Variants in FGF14 observed in about 807,000 individuals in gnomAD.
FGF14 encodes fibroblast growth factor 14.
Under a neutral mutation model 25.5 loss-of-function variants are expected in FGF14, and 5 were observed. The observed-to-expected ratio is 0.20, with a 90% CI of 0.10 to 0.41. The LOEUF is 0.41. FGF14 is among the 10% of genes least tolerant of loss of function. The pLI is 1.00. For synonymous variants in FGF14, 138 were observed against 118.3 expected (o/e 1.17, Z -1.08); for missense variants, 222 against 320.1 (o/e 0.69, Z 2.34).
intron 1 of FGF14, among the ~76,000 whole-genome samples, chr13:102,176,462 T>C (rs188047744): frequency 1.6e-3 from 239 of 152,234 alleles, no homozygotes; most frequent in Admixed American, 3.0e-3. Context: ...AATTGCCTAT[T>C]GGTTACAATG....
intron 1 of FGF14, among the ~76,000 whole-genome samples, chr13:102,317,902 G>A (rs2056095491): frequency 6.6e-6 from 1 of 152,150 alleles, no homozygotes; most frequent in African/African-American, 2.4e-5. Context: ...TCAGTAAGCT[G>A]CCCTATTTAG....
At chr13:102,068,978 G>A (rs552493749) in intron 1 of FGF14, among the ~76,000 whole-genome samples, 1 of 152,218 alleles carries the variant, frequency 6.6e-6, no homozygotes, top group Non-Finnish European at 1.5e-5. Flanking sequence ...TCTAGCTCGG[G>A]ATTGTAAACA....
At chr13:101,836,580 T>A (rs991538477) in intron 3 of FGF14, among the ~76,000 whole-genome samples, 6 of 152,072 alleles carry the variant, frequency 3.9e-5, no homozygotes, top group African/African-American at 1.4e-4. Context: ...TCCTCGTATA[T>A]CTAACTTGTT....
At chr13:102,347,490 G>C (rs2057144796) in intron 1 of FGF14, among the ~76,000 whole-genome samples, 1 of 152,188 alleles carries the variant, frequency 6.6e-6, no homozygotes, top group Admixed American at 6.5e-5. Flanking sequence ...GACATGGCCA[G>C]GAGGGGGCTG....
intron 3 of FGF14, among the ~76,000 whole-genome samples, chr13:101,835,657 G>T (rs920167237): frequency 9.2e-5 from 14 of 152,078 alleles, no homozygotes; most frequent in African/African-American, 3.4e-4. Flanking sequence ...TGAGAAACCA[G>T]CTCTGCTCAA....
chr13:102,393,844 C>T (rs1395354130), intron 1 of FGF14: 1 of 152,182 alleles, frequency 6.6e-6, no homozygotes, highest in Non-Finnish European at 1.5e-5. Flanking sequence ...GTAAAAGGAA[C>T]AGGTTGTTTG....
chr13:102,138,191 C>T (rs961155395), intron 1 of FGF14, among the ~76,000 whole-genome samples: 72 of 121,746 alleles, frequency 5.9e-4, no homozygotes, highest in African/African-American at 2.1e-3. Flanking sequence ...ACTTATGGCC[C>T]TAAGACAATA....
intron 1 of FGF14, among the ~76,000 whole-genome samples, chr13:101,897,593 T>C (rs557591355): frequency 6.6e-6 from 1 of 152,302 alleles, no homozygotes; most frequent in East Asian, 1.9e-4. Flanking sequence ...CATAATTAGA[T>C]CCCACACAAA....
At chr13:102,200,068 A>T (rs1423202864) in intron 1 of FGF14, among the ~76,000 whole-genome samples, 2 of 152,186 alleles carry the variant, frequency 1.3e-5, no homozygotes, top group African/African-American at 4.8e-5. Flanking sequence ...CAGTGTTGTC[A>T]TCTGTGATGG....
intron 1 of FGF14, among the ~76,000 whole-genome samples, chr13:102,208,373 G>A (rs895435166): frequency 6.6e-6 from 1 of 152,060 alleles, no homozygotes; most frequent in African/African-American, 2.4e-5. Context: ...CATCTCCCTG[G>A]AGTCAAAGTA....
At chr13:101,756,746 A>C (rs1194102071) in intron 3 of FGF14, among the ~76,000 whole-genome samples, 5 of 152,070 alleles carry the variant, frequency 3.3e-5, no homozygotes, top group Admixed American at 6.5e-5. Context: ...CCACCAAAAA[A>C]ACAAAAAACA....
chr13:102,401,669 G>C, exon 1 of FGF14: 1 of 1,613,670 alleles, frequency 6.2e-7, no homozygotes, highest in Non-Finnish European at 8.5e-7. Flanking sequence ...AGGGGCACCG[G>C]TTTTACCATA....
intron 4 of FGF14, among the ~76,000 whole-genome samples, chr13:101,724,207 C>T (rs926503076): frequency 5.9e-5 from 9 of 151,906 alleles, no homozygotes; most frequent in Non-Finnish European, 5.9e-5. Context: ...GAAGTTGTAT[C>T]GTCCAACAAT....
intron 1 of FGF14, among the ~76,000 whole-genome samples, chr13:102,158,594 A>G (rs1381074533): frequency 2.6e-5 from 4 of 152,054 alleles, no homozygotes; most frequent in African/African-American, 4.8e-5. Flanking sequence ...TGGGTGCAGC[A>G]CACCAACGTG....
In FGF14 at chr13:102,106,579, A is replaced by AGAGG. The variant is rs57979180; in HGVS notation, c.209-231287_209-231284dup. On this transcript the variant is annotated intron_variant, in intron 1 of 4. Transcript: ENST00000376131. The stretch of plus-strand genomic sequence containing the variant: ...GACAACAGTGAAACTCTGTCGAAAA[A>AGAGG]GAGGGAGGGAGGGAGGGAGGGAGGG... Among the ~76,000 whole-genome samples the AGAGG allele has an allele frequency of 2.0e-4, 26 of 127,716 alleles. 1 individual carries two copies. In the Middle Eastern group the frequency reaches 0.011, roughly 55 times the overall value. The allele number at this position is 127,716 out of a possible 152,430, so 83.8% of individuals were successfully genotyped here.
At chr13:102,335,263 C>A (rs2056758802) in intron 1 of FGF14, among the ~76,000 whole-genome samples, 1 of 152,180 alleles carries the variant, frequency 6.6e-6, no homozygotes, top group South Asian at 2.1e-4. Flanking sequence ...CACTAGCCTT[C>A]ATTTCATTAT....
At chr13:102,170,380 C>T (rs575632978) in intron 1 of FGF14, among the ~76,000 whole-genome samples, 16 of 152,180 alleles carry the variant, frequency 1.1e-4, no homozygotes, top group African/African-American at 3.9e-4. Flanking sequence ...TCTTCCTCCT[C>T]TTCGTCCTTC....
intron 1 of FGF14, among the ~76,000 whole-genome samples, chr13:102,271,385 T>C (rs1203884073): frequency 6.6e-6 from 1 of 152,192 alleles, no homozygotes; most frequent in African/African-American, 2.4e-5. Context: ...ATTCATGTAA[T>C]TTTCTCTAAA....
At chr13:102,028,933 C>T (rs1212009212) in intron 1 of FGF14, among the ~76,000 whole-genome samples, 1 of 152,034 alleles carries the variant, frequency 6.6e-6, no homozygotes, top group Non-Finnish European at 1.5e-5. Flanking sequence ...TAGAATGTGC[C>T]TTTTCTCTCC....
Sources: allele counts gnomAD v4.1 joint callset (sites outside exome capture counted in the v4.1 genomes callset), GRCh38; gene constraint gnomAD v4.1.1; transcripts MANE v1.5; gene names NCBI Gene and HGNC (gene_info 2026-07-23, HGNC 2026-07-21).